PPIL4: variants seen among roughly 807,000 people sequenced by gnomAD.
The protein encoded by PPIL4 is peptidyl-prolyl cis-trans isomerase-like 4.
PPIL4 carries 50 observed loss-of-function variants against 69.1 expected under a neutral mutation model. The ratio of observed to expected loss-of-function variants is 0.72; its 90% CI spans 0.58 to 0.92. The LOEUF is 0.92. PPIL4 is among the 40% of genes least tolerant of loss of function. The pLI is 0.00. For synonymous variants in PPIL4, 193 were observed against 191.6 expected, an observed-to-expected ratio of 1.01 and a Z score of -0.06; for missense variants, 480 against 587.9, an observed-to-expected ratio of 0.82 and a Z score of 1.90.
chr6:149,544,187 G>A (rs1270008570), intron 1 of PPIL4, among the ~76,000 whole-genome samples: 1 of 152,114 alleles, frequency 6.6e-6, no homozygotes, highest in Non-Finnish European at 1.5e-5. Context: ...TGGGCAGAGC[G>A]TCAAAGGAAC....
chr6:149,505,799 A>C, intron 12 of PPIL4, 95 bp from the exon 13 acceptor site: 1 of 1,144,148 alleles, frequency 8.7e-7, no homozygotes, highest in South Asian at 1.5e-5. Flanking sequence ...TACCATTAGA[A>C]GGCTGTTATA....
chr6:149,530,366 G>C (rs1232431388), intron 7 of PPIL4, among the ~76,000 whole-genome samples: 1 of 152,084 alleles, frequency 6.6e-6, no homozygotes, highest in Non-Finnish European at 1.5e-5. Flanking sequence ...AAGCAGTTAA[G>C]AAGGGAGGGC....
chr6:149,510,157 T>C (rs947299850), intron 12 of PPIL4, among the ~76,000 whole-genome samples: 2 of 152,192 alleles, frequency 1.3e-5, no homozygotes, highest in African/African-American at 2.4e-5. Flanking sequence ...ATGATGGCAA[T>C]CTTTAAACAG....
At position 149,505,622 on chromosome 6, in the gene PPIL4, C is replaced by T. The variant is rs779114958; in HGVS notation, c.1310G>A (p.Arg437Gln). ...TCGGCTACGACTTCGGTTCTGAGTT[C>T]GGTCTCTCTTTTCACTCTTTTGTTT... ...WEKQKSEKRD[R>Q]TQNRSRSRSR... The change falls in exon 13 of 13, where the codon CGA becomes CAA. Residue 437 changes from arginine (R) to glutamine (Q), a missense_variant. By Grantham distance (43) the Arg-to-Gln change is conservative. Coordinates refer to ENST00000253329, the MANE Select transcript of PPIL4 (RefSeq NM_139126.4). The T allele has an allele frequency of 1.4e-5, 23 of 1,614,042 alleles. No individual in the cohort carries two copies. Among genetic ancestry groups the T allele is most frequent in the East Asian group, 6.7e-5 (3 of 44,884 alleles).
chr6:149,515,747 A>G (rs2115029524), intron 11 of PPIL4, among the ~76,000 whole-genome samples: 1 of 152,320 alleles, frequency 6.6e-6, no homozygotes, highest in Admixed American at 6.5e-5. Flanking sequence ...TATCACTAAA[A>G]TCAACACTTT....
At chr6:149,531,751 C>T (rs888123747) in intron 7 of PPIL4, among the ~76,000 whole-genome samples, 4 of 152,210 alleles carry the variant, frequency 2.6e-5, no homozygotes, top group South Asian at 2.1e-4. Flanking sequence ...CTCACAGCAA[C>T]TTTCGCCTGC....
In PPIL4 at chr6:149,535,658, G is replaced by A; in HGVS notation, c.402C>T (p.Asp134=). ...AGGTCTCATTAATTTTCTTAATTAT[G>A]TCCATGCCTTCTGTCACCTCACCAA... is the stretch of plus-strand genomic sequence containing the variant. ...TVFGEVTEGM[D]IIKKINETFV... Residue 134 remains aspartate, a synonymous_variant, in exon 5 of 13, where the codon GAC becomes GAT. Coordinates refer to ENST00000253329, the MANE Select transcript of PPIL4 (RefSeq NM_139126.4). 6.2e-7 allele frequency: 1 copy of A among 1,610,968 alleles called. No homozygotes were observed. Among genetic ancestry groups the A allele is most frequent in the Non-Finnish European group, 8.5e-7 (1 of 1,177,330 alleles).
intron 9 of PPIL4, 147 bp downstream of exon 9, chr6:149,524,996 C>A: frequency 2.1e-6 from 1 of 467,206 alleles, no homozygotes; most frequent in Non-Finnish European, 3.9e-6. Flanking sequence ...TTGAACTTAT[C>A]CCCTATATAG....
chr6:149,539,567 T>C (rs1777328473), intron 4 of PPIL4, among the ~76,000 whole-genome samples: 1 of 152,156 alleles, frequency 6.6e-6, no homozygotes, highest in Admixed American at 6.5e-5. Flanking sequence ...TTTGTGGAGA[T>C]GGGGTTTTCA....
chr6:149,535,576 A>G lies in PPIL4; in HGVS notation c.464+20T>C. On this transcript the variant is annotated intron_variant, in intron 5 of 12. Transcript: ENST00000253329. The stretch of plus-strand genomic sequence containing the variant: ...TATTAAAACATTCTAGTACATTCAG[A>G]TAGCAAATTGTAACCATACCTGATA... 6.2e-7 allele frequency: 1 copy of G among 1,600,570 alleles called. No homozygotes were observed. The highest frequency in any genetic ancestry group is 8.5e-7 in the Non-Finnish European group (1 of 1,170,548).
At chr6:149,530,846 A>G (rs2115036226) in intron 7 of PPIL4, among the ~76,000 whole-genome samples, 1 of 152,308 alleles carries the variant, frequency 6.6e-6, no homozygotes, top group South Asian at 2.1e-4. Flanking sequence ...GACAAGGAAC[A>G]AGACATTTGA....
intron 9 of PPIL4, among the ~76,000 whole-genome samples, chr6:149,522,469 A>G (rs2115032435): frequency 6.6e-6 from 1 of 152,346 alleles, no homozygotes; most frequent in African/African-American, 2.4e-5. Context: ...GATCAGTGCA[A>G]CAGTATAGCG....
intron 4 of PPIL4, among the ~76,000 whole-genome samples, chr6:149,537,464 T>C (rs912257717): frequency 1.3e-5 from 2 of 152,120 alleles, no homozygotes; most frequent in South Asian, 4.1e-4. Context: ...TCCCAGCACT[T>C]TGGGAGGCCG....
chr6:149,511,909 ACT>A (rs1408821099), intron 12 of PPIL4, among the ~76,000 whole-genome samples: 1 of 152,106 alleles, frequency 6.6e-6, no homozygotes, highest in Non-Finnish European at 1.5e-5. Context: ...TACGGAAATC[ACT>A]CTTGCTTCAC....
At chr6:149,527,967 G>GT (rs1364656499) in intron 7 of PPIL4, among the ~76,000 whole-genome samples, 1 of 152,144 alleles carries the variant, frequency 6.6e-6, no homozygotes, top group African/African-American at 2.4e-5. Flanking sequence ...CCAATAAGAA[G>GT]TATCACAGCC....
chr6:149,529,029 G>A (rs1562260303), intron 7 of PPIL4, among the ~76,000 whole-genome samples: 1 of 151,966 alleles, frequency 6.6e-6, no homozygotes, highest in Non-Finnish European at 1.5e-5. Context: ...GGGAGTTTGG[G>A]ATCAGCCTGA....
chr6:149,541,622 T>C, intron 1 of PPIL4, 36 bp from the exon 2 acceptor site: 1 of 1,119,742 alleles, frequency 8.9e-7, no homozygotes, highest in Middle Eastern at 2.1e-4. Flanking sequence ...ATCACAGTAA[T>C]CCACAAACAC....
At chr6:149,543,090 C>A (rs886575567) in intron 1 of PPIL4, among the ~76,000 whole-genome samples, 2 of 152,084 alleles carry the variant, frequency 1.3e-5, no homozygotes, top group African/African-American at 4.8e-5. Flanking sequence ...CATCAAAATC[C>A]GATGGGAACA....
At chr6:149,510,082 G>A (rs771904324) in intron 12 of PPIL4, among the ~76,000 whole-genome samples, 20 of 144,132 alleles carry the variant, frequency 1.4e-4, no homozygotes, top group South Asian at 2.1e-4. Context: ...TATTACCACC[G>A]ATTCATGTGA....
Sources: allele counts gnomAD v4.1 joint callset (sites outside exome capture counted in the v4.1 genomes callset), GRCh38; gene constraint gnomAD v4.1.1; transcripts MANE v1.5; gene names NCBI Gene and HGNC (gene_info 2026-07-23, HGNC 2026-07-21).